Variants in CSMD3 observed in about 807,000 individuals in gnomAD.
CSMD3 encodes CUB and sushi domain-containing protein 3.
Under a neutral mutation model 435.2 loss-of-function variants are expected in CSMD3, and 177 were observed. That is an observed-to-expected ratio of 0.41 (90% confidence interval 0.36 to 0.46). The LOEUF is 0.46. CSMD3 is among the 20% of genes least tolerant of loss of function. The probability of loss-of-function intolerance (pLI) is 0.34; values close to 1 mark genes in which losing one functional copy is unlikely to be tolerated. For missense variants in CSMD3, 4,265 were observed against 4,504.6 expected (o/e 0.95, Z 1.52); for synonymous variants, 1,656 against 1,520.5 (o/e 1.09, Z -2.07).
chr8:112,751,744 T>C (rs1037515958), intron 13 of CSMD3, among the ~76,000 whole-genome samples: 6 of 151,960 alleles, frequency 3.9e-5, no homozygotes, highest in African/African-American at 1.4e-4. Flanking sequence ...AGAAAGAAAT[T>C]TCCACAGACT....
Position 112,587,071 on chromosome 8 carries a change from G to T in CSMD3, c.3880C>A (p.Leu1294Ile), listed in dbSNP as rs1830791774. 1 of 1,609,044 alleles carries T rather than the reference G, an allele frequency of 6.2e-7. No individual in the cohort carries two copies. Among genetic ancestry groups the T allele is most frequent in the Non-Finnish European group, 8.5e-7 (1 of 1,176,548 alleles). ...RTFHLAQGDV[L>I]KIYDGKDKTT... ...GTATGTCTGAGTTCACCTACCTTAA[G>T]AACATCTCCTTGTGCTAAATGAAAT... The change falls in exon 23 of 71, where the codon CTT becomes ATT. Residue 1294 changes from leucine to isoleucine, a missense_variant. Coordinates refer to ENST00000297405, the MANE Select transcript of CSMD3 (RefSeq NM_198123.2).
At chr8:112,967,832 G>GA (rs1251798427) in intron 7 of CSMD3, among the ~76,000 whole-genome samples, 4 of 128,060 alleles carry the variant, frequency 3.1e-5, no homozygotes, top group East Asian at 4.3e-4. Flanking sequence ...TTGTGAGAGA[G>GA]AAAAAAAAAT....
At chr8:112,569,763 A>C (rs1316828836) in intron 24 of CSMD3, among the ~76,000 whole-genome samples, 1 of 152,174 alleles carries the variant, frequency 6.6e-6, no homozygotes, top group Non-Finnish European at 1.5e-5. Flanking sequence ...TCTGAATTAG[A>C]TTATTTTCCT....
At chr8:113,190,648 A>G (rs982701436) in intron 3 of CSMD3, among the ~76,000 whole-genome samples, 1 of 151,178 alleles carries the variant, frequency 6.6e-6, no homozygotes, top group African/African-American at 2.4e-5. Flanking sequence ...AGCATTATAA[A>G]TTATTTCCTT....
chr8:113,068,801 AT>A (rs1423651708), intron 5 of CSMD3, among the ~76,000 whole-genome samples: 2 of 151,022 alleles, frequency 1.3e-5, no homozygotes, highest in African/African-American at 4.9e-5. Flanking sequence ...TGTTCTTGCT[AT>A]TTTTTTCTTT....
At chr8:112,390,629 T>A in intron 36 of CSMD3, 35 bp downstream of exon 36, 1 of 1,566,510 alleles carries the variant, frequency 6.4e-7, no homozygotes, top group Non-Finnish European at 8.8e-7. Flanking sequence ...ACTACACACA[T>A]ACAATGAAAA....
At chr8:112,474,736 T>C (rs1444922270) in intron 31 of CSMD3, among the ~76,000 whole-genome samples, 1 of 152,152 alleles carries the variant, frequency 6.6e-6, no homozygotes, top group Admixed American at 6.5e-5. Context: ...AATTAATTAT[T>C]GATCAAAGTT....
At chr8:113,248,036 A>C (rs536266281) in intron 3 of CSMD3, among the ~76,000 whole-genome samples, 24 of 152,214 alleles carry the variant, frequency 1.6e-4, no homozygotes, top group African/African-American at 5.8e-4. Flanking sequence ...TTATGAAGGG[A>C]CCACACTGCA....
At position 112,980,887 on chromosome 8, in the gene CSMD3, CA is replaced by C. The variant is rs2085026655; in HGVS notation, c.1031-4740del. ...AACAGTTCAAACTGGTAGATGGGTG[CA>C]AACTATGAATATGCAATTTAGAAAA... On this transcript the variant is annotated intron_variant, in intron 6 of 70. Transcript: ENST00000297405. Among the ~76,000 whole-genome samples, 3 of 151,410 alleles carry C rather than the reference CA, an allele frequency of 2.0e-5. No individual in the cohort carries two copies. In the South Asian group the frequency reaches 6.2e-4, roughly 31 times the overall value.
chr8:113,333,779 T>C (rs2094046990), intron 1 of CSMD3, among the ~76,000 whole-genome samples: 1 of 151,902 alleles, frequency 6.6e-6, no homozygotes, highest in South Asian at 2.1e-4. Context: ...AAATAAAATT[T>C]AAAATAATGT....
At chr8:113,296,124 A>T (rs185791466) in intron 2 of CSMD3, among the ~76,000 whole-genome samples, 62 of 151,858 alleles carry the variant, frequency 4.1e-4, no homozygotes, top group African/African-American at 1.4e-3. Context: ...AGGAAGGGGG[A>T]CATCACACAC....
chr8:112,774,754 G>T (rs2078205253), intron 13 of CSMD3, among the ~76,000 whole-genome samples: 1 of 151,762 alleles, frequency 6.6e-6, no homozygotes, highest in Non-Finnish European at 1.5e-5. Flanking sequence ...CAATATCTTG[G>T]GTAAGGGCTT....
At chr8:112,699,310 T>A (rs2131867001) in intron 13 of CSMD3, among the ~76,000 whole-genome samples, 1 of 152,124 alleles carries the variant, frequency 6.6e-6, no homozygotes, top group Non-Finnish European at 1.5e-5. Context: ...CGTCTGAACA[T>A]CTGAAGGAAC....
At chr8:112,373,488 T>A (rs1262597346) in intron 38 of CSMD3, among the ~76,000 whole-genome samples, 2 of 151,982 alleles carry the variant, frequency 1.3e-5, no homozygotes, top group East Asian at 1.9e-4. Flanking sequence ...ATTTTGCTTA[T>A]CTCAAGTACC....
chr8:112,261,698 ACT>A (rs982825529), intron 61 of CSMD3, among the ~76,000 whole-genome samples: 6 of 151,846 alleles, frequency 4.0e-5, no homozygotes, highest in Admixed American at 3.3e-4. Flanking sequence ...TTGGCAATAG[ACT>A]CTGCAAGTCT....
rs1187004619 is a variant in CSMD3, at chr8:113,016,601, G to A, written c.1030+2466C>T. On this transcript the variant is annotated intron_variant, in intron 6 of 70. Transcript: ENST00000297405. The stretch of plus-strand genomic sequence containing the variant: ...TTCCTAAAAATATTAAATAATTATA[G>A]GTAAATCAATAATAGTTACTGAGTA... Among the ~76,000 whole-genome samples the A allele has an allele frequency of 6.6e-5, 10 of 151,784 alleles. No homozygotes were observed. In the East Asian group the frequency reaches 1.9e-3, roughly 29 times the overall value.
intron 53 of CSMD3, among the ~76,000 whole-genome samples, chr8:112,301,369 T>G (rs905889557): frequency 6.6e-6 from 1 of 152,070 alleles, no homozygotes; most frequent in African/African-American, 2.4e-5. Context: ...TGAAATCTTA[T>G]GAAATAAAAC....
intron 22 of CSMD3, among the ~76,000 whole-genome samples, chr8:112,595,694 G>C (rs1159861520): frequency 4.8e-5 from 4 of 82,946 alleles, no homozygotes; most frequent in South Asian, 4.6e-4. Flanking sequence ...AGCCAGAAGA[G>C]AGTGGGGGCC....
chr8:113,116,382 G>A (rs1423232370), intron 4 of CSMD3, among the ~76,000 whole-genome samples: 2 of 152,170 alleles, frequency 1.3e-5, no homozygotes, highest in Non-Finnish European at 2.9e-5. Context: ...GCCATGTGAA[G>A]AAGGATGTGC....
Sources: allele counts gnomAD v4.1 joint callset (sites outside exome capture counted in the v4.1 genomes callset), GRCh38; gene constraint gnomAD v4.1.1; transcripts MANE v1.5; gene names NCBI Gene and HGNC (gene_info 2026-07-23, HGNC 2026-07-21).